The following IFNAR2 variants were observed in gnomAD, a reference collection of about 807,000 sequenced individuals.
IFNAR2 encodes interferon alpha and beta receptor subunit 2, also known as interferon alpha/beta receptor 2.
IFNAR2 carries 30 observed loss-of-function variants against 49.4 expected under a neutral mutation model. That is an observed-to-expected ratio of 0.61 (90% CI 0.45 to 0.82). The LOEUF (loss-of-function observed/expected upper bound fraction) is 0.82, where lower values mean the gene tolerates loss of function less well. Ranked by LOEUF, IFNAR2 falls within the 40% of genes least tolerant of loss-of-function variation. The pLI, the probability that IFNAR2 is intolerant of heterozygous loss-of-function variation, is 0.00. For missense variants in IFNAR2, 600 were observed against 622.7 expected, an observed-to-expected ratio of 0.96 and a Z score of 0.39; for synonymous variants, 224 against 234.5, an observed-to-expected ratio of 0.96 and a Z score of 0.41.
intron 1 of IFNAR2, among the ~76,000 whole-genome samples, chr21:33,240,136 C>A (rs1326742325): frequency 6.6e-6 from 1 of 152,224 alleles, no homozygotes; most frequent in Non-Finnish European, 1.5e-5. Context: ...TTGCCTACAG[C>A]CCTCTCACAC....
In IFNAR2 at chr21:33,230,774, G is replaced by C. The variant is rs1985998794; in HGVS notation, c.-84+558G>C. 6.6e-6 allele frequency among the ~76,000 whole-genome samples: 1 copy of C among 152,168 alleles called. No homozygotes were observed. The highest frequency in any genetic ancestry group is 2.1e-4 in the South Asian group (1 of 4,832). ...ATCCGCTGCGTGGAGGCAGGAGGGG[G>C]AAGGGGCGAGGGGACGTGGCCGCGG... On this transcript the variant is annotated intron_variant, in intron 1 of 8. Coordinates refer to ENST00000342136, the MANE Select transcript of IFNAR2 (RefSeq NM_001289125.3). This position sits in a 1 kb window ranked among gnomAD's most constrained non-coding sequence, Gnocchi z 5.5.
chr21:33,263,153 C>T lies in IFNAR2; in HGVS notation c.1201C>T (p.Pro401Ser), dbSNP rs372127736. ...TGGGCCCTGTGAGAGGAGAAAGAGT[C>T]CACTCCAGGACCCTTTTCCCGAAGA... is the stretch of plus-strand genomic sequence containing the variant. Reference protein sequence around the residue: ...LSGPCERRKSPLQDPFPEEDY... With the variant: ...LSGPCERRKSSLQDPFPEEDY... The change falls in exon 9 of 9, where the codon CCA becomes TCA. Residue 401 changes from proline (P) to serine (S), a missense_variant. Pro to Ser is a moderately conservative substitution (Grantham distance 74). Transcript: ENST00000342136. 1 of 1,614,180 alleles carries T rather than the reference C, an allele frequency of 6.2e-7. No homozygotes were observed. Among genetic ancestry groups the T allele is most frequent in the East Asian group, 2.2e-5 (1 of 44,890 alleles).
At chr21:33,240,814 C>CAAAAAAAAA (rs35515030) in intron 1 of IFNAR2, among the ~76,000 whole-genome samples, 1 of 138,698 alleles carries the variant, frequency 7.2e-6, no homozygotes. Flanking sequence ...AGACCCGTCT[C>CAAAAAAAAA]AAAAAAAAAA....
chr21:33,233,545 A>G lies in IFNAR2; in HGVS notation c.-84+3329A>G, dbSNP rs1327726340. Among the ~76,000 whole-genome samples the G allele has an allele frequency of 2.6e-5, 4 of 152,350 alleles. No homozygotes were observed. In the South Asian group the frequency reaches 6.2e-4, roughly 24 times the overall value. ...TTAGGAATCTAAGAAGAAAAAGTAAAGGAGGGAAAAACAAAATCAAGCTCG... is the reference window on the plus strand; with the variant it reads ...TTAGGAATCTAAGAAGAAAAAGTAAGGGAGGGAAAAACAAAATCAAGCTCG... On this transcript the variant is annotated intron_variant, in intron 1 of 8. Transcript: ENST00000342136.
chr21:33,246,084 T>G (rs1333018864), intron 4 of IFNAR2, among the ~76,000 whole-genome samples: 1 of 151,846 alleles, frequency 6.6e-6, no homozygotes, highest in Non-Finnish European at 1.5e-5. Context: ...TTTTTTTTTT[T>G]TTTTGAGACG....
intron 1 of IFNAR2, among the ~76,000 whole-genome samples, chr21:33,231,044 C>T (rs1413256367): frequency 1.3e-5 from 2 of 151,804 alleles, no homozygotes; most frequent in African/African-American, 4.9e-5. Flanking sequence ...AGCAAGAAGT[C>T]TTAGAAACGA....
intron 5 of IFNAR2, among the ~76,000 whole-genome samples, chr21:33,248,249 G>A (rs1228396863): frequency 6.6e-6 from 1 of 151,972 alleles, no homozygotes; most frequent in African/African-American, 2.4e-5. Flanking sequence ...GCTCACACCT[G>A]TAATCCCAGC....
At chr21:33,253,628 G>A (rs550568362) in intron 7 of IFNAR2, among the ~76,000 whole-genome samples, 68 of 152,318 alleles carry the variant, frequency 4.5e-4, no homozygotes, top group Non-Finnish European at 8.4e-4. Context: ...TATTAGGAAA[G>A]TAAAGGAGTA....
At chr21:33,246,468 C>A (rs1454223749) in intron 4 of IFNAR2, among the ~76,000 whole-genome samples, 1 of 152,052 alleles carries the variant, frequency 6.6e-6, no homozygotes, top group Non-Finnish European at 1.5e-5. Flanking sequence ...TAAATGGAGA[C>A]ATCAGTAAAC....
intron 6 of IFNAR2, among the ~76,000 whole-genome samples, chr21:33,251,195 G>A (rs1234542648): frequency 6.6e-6 from 1 of 152,144 alleles, no homozygotes; most frequent in African/African-American, 2.4e-5. Flanking sequence ...GGCAAATGAG[G>A]AAGAAACAGC....
At chr21:33,237,291 T>C (rs1137779) in intron 1 of IFNAR2, among the ~76,000 whole-genome samples, 1 of 151,628 alleles carries the variant, frequency 6.6e-6, no homozygotes, top group African/African-American at 2.4e-5. Context: ...AAGCCCTTTG[T>C]GGGGCTGAGG....
chr21:33,242,323 G>A (rs563225849), intron 2 of IFNAR2, among the ~76,000 whole-genome samples: 1 of 152,234 alleles, frequency 6.6e-6, no homozygotes, highest in South Asian at 2.1e-4. Flanking sequence ...TGATTAATTA[G>A]CAACATGCTT....
intron 2 of IFNAR2, among the ~76,000 whole-genome samples, chr21:33,242,767 GTGT>G (rs1987065911): frequency 1.6e-4 from 2 of 12,600 alleles, no homozygotes; most frequent in African/African-American, 6.5e-4. Flanking sequence ...GCGTGTGTGT[GTGT>G]GTGTGTGTGT....
chr21:33,246,292 A>G (rs372414048), intron 4 of IFNAR2, among the ~76,000 whole-genome samples: 54 of 151,920 alleles, frequency 3.6e-4, no homozygotes, highest in East Asian at 1.4e-3. Context: ...GGATGGTCTC[A>G]ATCTCCTGAC....
chr21:33,231,474 A>G (rs1483788373), intron 1 of IFNAR2, among the ~76,000 whole-genome samples: 1 of 152,170 alleles, frequency 6.6e-6, no homozygotes, highest in Non-Finnish European at 1.5e-5. Flanking sequence ...GTTAAAGAAA[A>G]TCTGATTTTG....
At position 33,241,838 on chromosome 21, in the gene IFNAR2, A is replaced by G. The variant is rs760649183; in HGVS notation, c.-83-2A>G. The G allele has an allele frequency of 3.9e-5, 62 of 1,579,256 alleles. No individual in the cohort carries two copies. Among genetic ancestry groups the G allele is most frequent in the Non-Finnish European group, 5.2e-5 (60 of 1,162,870 alleles). ...TCTTTGCTCCCATTTTTATATTTGCAGTTTAATTAGACACTTCAGAATTTT... is the reference window on the plus strand; with the variant it reads ...TCTTTGCTCCCATTTTTATATTTGCGGTTTAATTAGACACTTCAGAATTTT... On this transcript the variant is annotated splice_acceptor_variant, in intron 1 of 8. Coordinates refer to ENST00000342136, the MANE Select transcript of IFNAR2 (RefSeq NM_001289125.3). LOFTEE classifies it low-confidence loss of function (5UTR_SPLICE).
chr21:33,251,958 C>G (rs1347181810), intron 6 of IFNAR2: 1 of 161,506 alleles, frequency 6.2e-6, no homozygotes, highest in East Asian at 1.9e-4. Context: ...TGGCGGGCAT[C>G]TGTAATCCCA....
At position 33,230,061 on chromosome 21, in the gene IFNAR2, C is replaced by T. The variant is rs937025432; in HGVS notation, c.-239C>T. The T allele has an allele frequency of 1.4e-5, 14 of 986,862 alleles. No individual in the cohort carries two copies. The African/African-American group carries it at 2.3e-4, about 16-fold the overall frequency. 61.1% of individuals were successfully genotyped at this position (986,862 alleles called of 1,614,324 possible). ...CGAGCGCAGCCCGCGGACCACCACC[C>T]GGCCGCACGGGCCGCTTTTGTCCCC... On this transcript the variant is annotated 5_prime_UTR_variant, in exon 1 of 9. Coordinates refer to ENST00000342136, the MANE Select transcript of IFNAR2 (RefSeq NM_001289125.3). The surrounding 1 kb of genome is among the most constrained non-coding windows in gnomAD (Gnocchi z 5.5).
intron 8 of IFNAR2, 71 bp from the exon 9 acceptor site, chr21:33,262,722 A>G (rs766496724): frequency 1.9e-6 from 3 of 1,584,604 alleles, no homozygotes; most frequent in Non-Finnish European, 2.6e-6. Flanking sequence ...ATTAAGTTTT[A>G]TTATGTAGAA....
Sources: gnomAD v4.1 joint callset for allele counts (sites outside exome capture counted in the v4.1 genomes callset) on GRCh38, gnomAD v4.1.1 for gene constraint, Gnocchi (gnomAD v3.1) non-coding constraint, MANE v1.5 for transcripts, NCBI Gene and HGNC (gene_info 2026-07-23, HGNC 2026-07-21) for gene names.